Variants in ATP6V1H observed in about 807,000 individuals in gnomAD.
ATP6V1H encodes the protein V-type proton ATPase subunit H.
In ATP6V1H, 39 loss-of-function variants were observed where a neutral mutation model predicts 71.7. That is an observed-to-expected ratio of 0.54 (90% CI 0.42 to 0.71). The LOEUF is 0.71. ATP6V1H is among the 30% of genes least tolerant of loss of function. The pLI is 0.00. For missense variants in ATP6V1H, 509 were observed against 594.9 expected (o/e 0.86, Z 1.50); for synonymous variants, 192 against 199.3 (o/e 0.96, Z 0.31).
intron 13 of ATP6V1H, among the ~76,000 whole-genome samples, chr8:53,719,146 C>T (rs530393150): frequency 4.6e-5 from 7 of 152,232 alleles, no homozygotes; most frequent in East Asian, 3.9e-4. Context: ...TCCACTCCTT[C>T]GAACTTGGCT....
chr8:53,817,081 T>C (rs991514734), intron 5 of ATP6V1H, among the ~76,000 whole-genome samples: 2 of 152,246 alleles, frequency 1.3e-5, no homozygotes, highest in African/African-American at 2.4e-5. Flanking sequence ...AGCTATGTCA[T>C]AGTAGTTACT....
At chr8:53,781,105 G>A (rs1277423770) in intron 9 of ATP6V1H, among the ~76,000 whole-genome samples, 3 of 152,130 alleles carry the variant, frequency 2.0e-5, no homozygotes, top group African/African-American at 7.2e-5. Context: ...AGATCCCTCA[G>A]GAATCGCCAC....
intron 8 of ATP6V1H, among the ~76,000 whole-genome samples, chr8:53,798,912 C>G (rs1809827460): frequency 6.6e-6 from 1 of 152,060 alleles, no homozygotes; most frequent in African/African-American, 2.4e-5. Flanking sequence ...TGAATGGTCT[C>G]TAAAATACTA....
rs73680310 is a variant in ATP6V1H, at chr8:53,797,331, G to A, written c.678-1492C>T. Among the ~76,000 whole-genome samples, 785 of 152,252 alleles carry A rather than the reference G, an allele frequency of 5.2e-3. 4 individuals are homozygous for A. The highest frequency in any genetic ancestry group is 0.018 in the African/African-American group (743 of 41,532). ...TACCCCAGTAACACTCCTTCAACCC[G>A]GCAGCAGCAGTTCTTTCCCACAGCA... On this transcript the variant is annotated intron_variant, in intron 8 of 13. Coordinates refer to ENST00000359530, the MANE Select transcript of ATP6V1H (RefSeq NM_015941.4).
chr8:53,811,334 C>G (rs1274597470), intron 6 of ATP6V1H, 117 bp from the exon 7 acceptor site: 2 of 777,618 alleles, frequency 2.6e-6, no homozygotes, highest in Non-Finnish European at 4.1e-6. Flanking sequence ...AATTTTTCCC[C>G]TATAATTTTA....
chr8:53,722,447 A>G (rs1806656604), intron 13 of ATP6V1H, among the ~76,000 whole-genome samples: 1 of 152,230 alleles, frequency 6.6e-6, no homozygotes, highest in Non-Finnish European at 1.5e-5. Flanking sequence ...TGTGGGAGAA[A>G]TGCCTGTGCA....
intron 10 of ATP6V1H, among the ~76,000 whole-genome samples, chr8:53,770,164 T>C (rs946483105): frequency 2.6e-5 from 4 of 152,166 alleles, no homozygotes; most frequent in African/African-American, 9.6e-5. Flanking sequence ...ACTCATATTA[T>C]ACTATAAATA....
rs75434338 is a variant in ATP6V1H, at chr8:53,798,973, G to C, written c.677+2826C>G. ...ATTTGTTGTACTCAGTATACCATGAGAGTTCAAAGGGACCAAATTTTGGTA... is the reference window on the plus strand; with the variant it reads ...ATTTGTTGTACTCAGTATACCATGACAGTTCAAAGGGACCAAATTTTGGTA... On this transcript the variant is annotated intron_variant, in intron 8 of 13. Coordinates refer to ENST00000359530, the MANE Select transcript of ATP6V1H (RefSeq NM_015941.4). Among the ~76,000 whole-genome samples the C allele has an allele frequency of 3.9e-3, 601 of 152,224 alleles. 19 individuals carry two copies. In the East Asian group the frequency reaches 0.066, roughly 17 times the overall value.
intron 11 of ATP6V1H, among the ~76,000 whole-genome samples, chr8:53,761,104 A>C (rs1326781924): frequency 6.6e-6 from 1 of 152,204 alleles, no homozygotes; most frequent in Non-Finnish European, 1.5e-5. Context: ...TGGGAGGCCG[A>C]GGTGGGCAGA....
At chr8:53,743,808 C>T in intron 12 of ATP6V1H, 118 bp from the exon 13 acceptor site, 3 of 627,948 alleles carry the variant, frequency 4.8e-6, no homozygotes, top group Non-Finnish European at 8.2e-6. Flanking sequence ...CGTAAATAAA[C>T]CAAACGTGTC....
chr8:53,781,058 T>C (rs1809107743), intron 9 of ATP6V1H, among the ~76,000 whole-genome samples: 1 of 152,232 alleles, frequency 6.6e-6, no homozygotes, highest in Non-Finnish European at 1.5e-5. Flanking sequence ...ATATACCCAG[T>C]AATGGGATGG....
intron 3 of ATP6V1H, chr8:53,832,199 T>G (rs1811030957): frequency 1.3e-5 from 2 of 152,210 alleles, no homozygotes; most frequent in Non-Finnish European, 2.9e-5. Flanking sequence ...TTCACATTTG[T>G]AGAAATAAGT....
chr8:53,832,890 G>T lies in ATP6V1H; in HGVS notation c.216+94C>A, dbSNP rs1811052439. The T allele has an allele frequency of 5.3e-6, 4 of 751,134 alleles. 1 individual carries two copies. In the South Asian group the frequency reaches 7.5e-5, roughly 14 times the overall value. The allele number at this position is 751,134 out of a possible 1,614,324, so 46.5% of individuals were successfully genotyped here. ...TCAATATAACGTTCTTTCCAAATTA[G>T]CAAGAAAACTGGAAGTCACTTATAA... On this transcript the variant is annotated intron_variant, in intron 3 of 13. Coordinates refer to ENST00000359530, the MANE Select transcript of ATP6V1H (RefSeq NM_015941.4).
At position 53,801,128 on chromosome 8, in the gene ATP6V1H, C is replaced by T. The variant is rs565238936; in HGVS notation, c.677+671G>A. On this transcript the variant is annotated intron_variant, in intron 8 of 13. Transcript: ENST00000359530. Reference sequence around the variant, plus strand: ...ATTTGGGTCCCTTCACAGGTATATCCTACACTGGAGATACAGGGTAAGAGT... The same window carrying T: ...ATTTGGGTCCCTTCACAGGTATATCTTACACTGGAGATACAGGGTAAGAGT... Among the ~76,000 whole-genome samples, 14 of 152,286 alleles carry T rather than the reference C, an allele frequency of 9.2e-5. 1 individual carries two copies. The highest frequency in any genetic ancestry group is 3.4e-3 in the Middle Eastern group (1 of 294).
intron 13 of ATP6V1H, 75 bp downstream of exon 13, chr8:53,743,502 G>C (rs1455935901): frequency 9.8e-7 from 1 of 1,018,544 alleles, no homozygotes; most frequent in African/African-American, 1.6e-5. Flanking sequence ...CAAAGCATTT[G>C]CATAAGAACT....
At chr8:53,810,107 C>T (rs192407550) in intron 7 of ATP6V1H, among the ~76,000 whole-genome samples, 85 of 152,276 alleles carry the variant, frequency 5.6e-4, no homozygotes, top group African/African-American at 1.9e-3. Flanking sequence ...TAAATGGCTC[C>T]TACAGAGCTT....
At chr8:53,727,870 T>A (rs980628644) in intron 13 of ATP6V1H, among the ~76,000 whole-genome samples, 3 of 152,194 alleles carry the variant, frequency 2.0e-5, no homozygotes, top group African/African-American at 7.2e-5. Flanking sequence ...ATGGAACACA[T>A]CCAGCTGCAG....
At chr8:53,740,686 G>A (rs1807376196) in intron 13 of ATP6V1H, among the ~76,000 whole-genome samples, 1 of 152,130 alleles carries the variant, frequency 6.6e-6, no homozygotes, top group Admixed American at 6.5e-5. Context: ...CCCTATTTTA[G>A]GCAGGTAGAA....
In ATP6V1H at chr8:53,833,295, G is replaced by C. The variant is rs377540225; in HGVS notation, c.114-209C>G. On this transcript the variant is annotated intron_variant, in intron 2 of 13. Transcript: ENST00000359530. ...CCCTGGAACCTGAGTTAATTTATCT[G>C]CAAAATGCGAACAATAATCGCATTG... The C allele has an allele frequency of 7.8e-6, 4 of 512,748 alleles. No individual in the cohort carries two copies. The South Asian group carries it at 1.0e-4, about 13-fold the overall frequency. 31.8% of individuals were successfully genotyped at this position (512,748 alleles called of 1,614,324 possible).
Sources: gnomAD v4.1 joint callset for allele counts (sites outside exome capture counted in the v4.1 genomes callset) on GRCh38, gnomAD v4.1.1 for gene constraint, MANE v1.5 for transcripts, NCBI Gene and HGNC (gene_info 2026-07-23, HGNC 2026-07-21) for gene names.